Variants in LYST observed in about 807,000 individuals in gnomAD.
The protein encoded by LYST is lysosomal trafficking regulator.
Under a neutral mutation model 413.6 loss-of-function variants are expected in LYST, and 192 were observed. That is an observed-to-expected ratio of 0.46 (90% CI 0.41 to 0.52). LYST has a LOEUF of 0.52. Ranked by LOEUF, LYST falls within the 20% of genes least tolerant of loss-of-function variation. LYST has a pLI of 0.00. For missense variants in LYST, 3,815 were observed against 4,499.9 expected (o/e 0.85, Z 4.35); for synonymous variants, 1,525 against 1,567.3 (o/e 0.97, Z 0.64).
intron 39 of LYST, among the ~76,000 whole-genome samples, chr1:235,721,628 G>T (rs556163847): frequency 1.4e-4 from 22 of 152,246 alleles, no homozygotes; most frequent in African/African-American, 5.1e-4. Flanking sequence ...ATGAGAGAGT[G>T]AACTTAATGA....
chr1:235,793,661 G>A, intron 10 of LYST, 49 bp from the exon 11 acceptor site: 1 of 926,020 alleles, frequency 1.1e-6, no homozygotes, highest in Non-Finnish European at 1.8e-6. Context: ...ACAATTAGAG[G>A]AATAAATGAG....
At chr1:235,792,779 TC>T (rs549156863) in intron 11 of LYST, among the ~76,000 whole-genome samples, 38 of 152,050 alleles carry the variant, frequency 2.5e-4, no homozygotes, top group African/African-American at 7.5e-4. Flanking sequence ...TTCTCCTGCC[TC>T]AGCCTCCTGA....
intron 30 of LYST, among the ~76,000 whole-genome samples, chr1:235,742,024 T>C (rs1473337217): frequency 2.0e-5 from 3 of 152,158 alleles, no homozygotes. Flanking sequence ...GGACAAATAT[T>C]GTATGCTTCT....
chr1:235,787,431 T>C, intron 13 of LYST, 58 bp from the exon 14 acceptor site: 1 of 1,248,876 alleles, frequency 8.0e-7, no homozygotes, highest in Non-Finnish European at 1.2e-6. Flanking sequence ...CCTCAGTGTT[T>C]AACATACATA....
chr1:235,688,047 G>A (rs1181528526), intron 47 of LYST, among the ~76,000 whole-genome samples: 1 of 152,036 alleles, frequency 6.6e-6, no homozygotes, highest in Non-Finnish European at 1.5e-5. Flanking sequence ...TATGTTTTCA[G>A]TTTCTTTCTT....
At chr1:235,862,806 A>AC (rs1680040631) in intron 1 of LYST, among the ~76,000 whole-genome samples, 19 of 121,534 alleles carry the variant, frequency 1.6e-4, no homozygotes, top group Non-Finnish European at 1.1e-4. Context: ...AAAACAAACA[A>AC]ACACACACAC....
Position 235,674,929 on chromosome 1 carries a change from A to G in LYST, c.11038+2162T>C, listed in dbSNP as rs979548271. 6.6e-6 allele frequency among the ~76,000 whole-genome samples: 1 copy of G among 152,192 alleles called. No individual in the cohort carries two copies. The highest frequency in any genetic ancestry group is 2.4e-5 in the African/African-American group (1 of 41,444). Reference sequence around the variant, plus strand: ...TTGTTATCAGTGTACTCATTCTTGTAAGTTGCTGCATCATACCTTGTATTC... The same window carrying G: ...TTGTTATCAGTGTACTCATTCTTGTGAGTTGCTGCATCATACCTTGTATTC... On this transcript the variant is annotated intron_variant, in intron 50 of 52. Transcript: ENST00000389793. The surrounding 1 kb of genome is among the most constrained non-coding windows in gnomAD (Gnocchi z 4.1).
At chr1:235,820,530 T>C (rs756467690) in intron 3 of LYST, among the ~76,000 whole-genome samples, 3 of 151,890 alleles carry the variant, frequency 2.0e-5, no homozygotes, top group Non-Finnish European at 4.4e-5. Context: ...CCACCACACC[T>C]GGTTGATTTT....
At chr1:235,694,013 T>TC (rs567140025) in intron 46 of LYST, among the ~76,000 whole-genome samples, 154 of 146,300 alleles carry the variant, frequency 1.1e-3, no homozygotes, top group African/African-American at 3.6e-3. Context: ...TTCTTCTTCT[T>TC]TTTTTTTTTT....
At chr1:235,824,839 G>A (rs1297624629) in intron 3 of LYST, among the ~76,000 whole-genome samples, 1 of 152,086 alleles carries the variant, frequency 6.6e-6, no homozygotes, top group African/African-American at 2.4e-5. Flanking sequence ...GGCCAAGATG[G>A]TGAAACCCCG....
intron 3 of LYST, among the ~76,000 whole-genome samples, chr1:235,823,521 A>G (rs1675005866): frequency 6.6e-6 from 1 of 152,220 alleles, no homozygotes; most frequent in Non-Finnish European, 1.5e-5. Context: ...AAATTTCCCC[A>G]ATGTTTTCAG....
At chr1:235,880,150 T>C (rs1208752430) in intron 1 of LYST, among the ~76,000 whole-genome samples, 3 of 152,234 alleles carry the variant, frequency 2.0e-5, no homozygotes, top group African/African-American at 7.2e-5. Context: ...TTACAAGTCA[T>C]TGGTTAGGTC....
At chr1:235,746,643 A>T in intron 28 of LYST, 116 bp from the exon 29 acceptor site, 1 of 743,712 alleles carries the variant, frequency 1.3e-6, no homozygotes, top group East Asian at 2.7e-5. Context: ...TTTACTACAA[A>T]GTCAATTTAT....
chr1:235,667,540 T>A (rs1236726737), intron 50 of LYST, among the ~76,000 whole-genome samples: 1 of 152,212 alleles, frequency 6.6e-6, no homozygotes, highest in Non-Finnish European at 1.5e-5. Flanking sequence ...CATAATATAG[T>A]TGTCCCTAGG....
At position 235,808,554 on chromosome 1, in the gene LYST, G is replaced by A; in HGVS notation, c.2264C>T (p.Thr755Ile). 2 of 1,613,850 alleles carry A rather than the reference G, an allele frequency of 1.2e-6. No individual in the cohort carries two copies. The highest frequency in any genetic ancestry group is 1.7e-6 in the Non-Finnish European group (2 of 1,179,884). Residue 755 changes from threonine (T) to isoleucine (I), a missense_variant, in exon 5 of 53, where the codon ACT (threonine) becomes ATT (isoleucine). Thr to Ile is a moderately conservative substitution (Grantham distance 89, BLOSUM62 -1). Transcript: ENST00000389793. ...LAHHCQHLSV[T>I]SAQSHVCSHH... Reference sequence around the variant, plus strand: ...GCTACATACATGACTTTGAGCTGAAGTAACGCTTAGGTGTTGACAATGATG... The same window carrying A: ...GCTACATACATGACTTTGAGCTGAAATAACGCTTAGGTGTTGACAATGATG...
Position 235,741,415 on chromosome 1 carries a change from T to A in LYST, c.8358+7A>T, listed in dbSNP as rs752173624. ...TTTACTTCTCTTATCAAAGCTGAGA[T>A]ACTTACTTGTAGGGATGGGCTGAGA... On this transcript the variant is annotated splice_region_variant and intron_variant, in intron 31 of 52. Transcript: ENST00000389793. The A allele has an allele frequency of 1.9e-6, 3 of 1,606,708 alleles. No homozygotes were observed. Among genetic ancestry groups the A allele is most frequent in the African/African-American group, 1.3e-5 (1 of 74,906 alleles).
chr1:235,757,913 A>G (rs1350033208), intron 23 of LYST, among the ~76,000 whole-genome samples: 1 of 151,748 alleles, frequency 6.6e-6, no homozygotes, highest in Non-Finnish European at 1.5e-5. Context: ...CAAGGAAGAA[A>G]CAGCTTTATT....
chr1:235,783,440 C>G (rs1398705781), intron 14 of LYST, among the ~76,000 whole-genome samples: 3 of 151,736 alleles, frequency 2.0e-5, no homozygotes, highest in South Asian at 4.2e-4. Flanking sequence ...TGAGAACATA[C>G]GGACACAGGG....
intron 10 of LYST, among the ~76,000 whole-genome samples, chr1:235,798,689 A>T (rs977498505): frequency 1.3e-5 from 2 of 151,800 alleles, no homozygotes; most frequent in African/African-American, 2.4e-5. Context: ...GTGCTGAAAC[A>T]TGCTACAACA....
Sources: gnomAD v4.1 joint callset for allele counts (sites outside exome capture counted in the v4.1 genomes callset) on GRCh38, gnomAD v4.1.1 for gene constraint, Gnocchi (gnomAD v3.1) non-coding constraint, MANE v1.5 for transcripts, NCBI Gene and HGNC (gene_info 2026-07-23, HGNC 2026-07-21) for gene names.